RBFOX1: variants seen among roughly 807,000 people sequenced by gnomAD.
RBFOX1 encodes RNA binding fox-1 homolog 1, also known as RNA binding protein fox-1 homolog 1.
In RBFOX1, 8 loss-of-function variants were observed where a neutral mutation model predicts 57.7. That is an observed-to-expected ratio of 0.14 (90% CI 0.08 to 0.25). The LOEUF (loss-of-function observed/expected upper bound fraction) is 0.25, where lower values mean the gene tolerates loss of function less well. Among genes scored for constraint, RBFOX1 ranks in the 10% least tolerant of loss-of-function variants. The pLI, the probability that RBFOX1 is intolerant of heterozygous loss-of-function variation, is 1.00. For missense variants in RBFOX1, 611 were observed against 548.5 expected, an observed-to-expected ratio of 1.11 and a Z score of -1.14; for synonymous variants, 326 against 222.4, an observed-to-expected ratio of 1.47 and a Z score of -4.15.
intron 3 of RBFOX1, among the ~76,000 whole-genome samples, chr16:6,842,945 G>T (rs1316275487): frequency 1.3e-5 from 2 of 152,040 alleles, no homozygotes; most frequent in Non-Finnish European, 2.9e-5. Context: ...TCCTGTGTTA[G>T]TTTGCTGAGA....
intron 1 of RBFOX1, among the ~76,000 whole-genome samples, chr16:6,173,141 C>G (rs565873435): frequency 1.3e-5 from 2 of 152,302 alleles, no homozygotes; most frequent in East Asian, 1.9e-4. Flanking sequence ...TTAACTTAGT[C>G]TCATCTGCAA....
At chr16:6,284,261 C>T (rs531846743) in intron 1 of RBFOX1, among the ~76,000 whole-genome samples, 1 of 152,270 alleles carries the variant, frequency 6.6e-6, no homozygotes, top group East Asian at 1.9e-4. Flanking sequence ...CCAGTTTGCT[C>T]GATCTCTTTT....
At chr16:5,684,653 A>G (rs1452765962) in intron 3 of RBFOX1, among the ~76,000 whole-genome samples, 1 of 152,156 alleles carries the variant, frequency 6.6e-6, no homozygotes, top group Admixed American at 6.5e-5. Flanking sequence ...CAAAGTTTGG[A>G]ATGATTCAGC....
At chr16:7,406,369 G>A (rs2098340299) in intron 4 of RBFOX1, among the ~76,000 whole-genome samples, 1 of 152,192 alleles carries the variant, frequency 6.6e-6, no homozygotes, top group East Asian at 1.9e-4. Flanking sequence ...GAGGCCCAGA[G>A]CTCTTGCTTT....
At chr16:7,102,553 G>A (rs558199168) in intron 4 of RBFOX1, among the ~76,000 whole-genome samples, 8 of 152,138 alleles carry the variant, frequency 5.3e-5, no homozygotes, top group Admixed American at 1.3e-4. Context: ...TAAGGTTTGC[G>A]GCTTGGATAT....
At chr16:7,569,443 G>A (rs967095486) in intron 5 of RBFOX1, among the ~76,000 whole-genome samples, 4 of 152,022 alleles carry the variant, frequency 2.6e-5, no homozygotes, top group Non-Finnish European at 5.9e-5. Context: ...TTTTTCTCAC[G>A]GGGTGTTCAC....
At chr16:6,299,823 C>T (rs898960714) in intron 1 of RBFOX1, among the ~76,000 whole-genome samples, 3 of 152,140 alleles carry the variant, frequency 2.0e-5, no homozygotes, top group African/African-American at 7.2e-5. Context: ...GTTCAGTTTC[C>T]TCAATGGTAA....
At chr16:6,121,420 AT>A (rs1188224462) in intron 1 of RBFOX1, among the ~76,000 whole-genome samples, 2 of 152,182 alleles carry the variant, frequency 1.3e-5, no homozygotes, top group African/African-American at 4.8e-5. Context: ...AGGGAAAGTG[AT>A]GATGCTTGAA....
chr16:6,189,507 G>C (rs1466688184), intron 1 of RBFOX1, among the ~76,000 whole-genome samples: 2 of 152,166 alleles, frequency 1.3e-5, no homozygotes, highest in Non-Finnish European at 2.9e-5. Flanking sequence ...GCATTGGTTA[G>C]CTTGCTGAAG....
intron 4 of RBFOX1, among the ~76,000 whole-genome samples, chr16:7,143,571 T>C (rs890079254): frequency 2.6e-5 from 4 of 152,160 alleles, no homozygotes; most frequent in African/African-American, 9.7e-5. Context: ...ATTTATGGGG[T>C]AGCTTTCTCC....
rs2090457212 is a variant in RBFOX1, at chr16:6,987,098, C to A, written c.-15-64959C>A. 2.0e-5 allele frequency among the ~76,000 whole-genome samples: 3 copies of A among 152,128 alleles called. No individual in the cohort carries two copies. The South Asian group carries it at 6.2e-4, about 32-fold the overall frequency. On this transcript the variant is annotated intron_variant, in intron 3 of 15. Transcript: ENST00000550418. The stretch of plus-strand genomic sequence containing the variant: ...ATCCAAGCGATCTATTAGCAGCTTC[C>A]ATTTATCAGCGTCTTGTGTGGGTGT...
intron 4 of RBFOX1, among the ~76,000 whole-genome samples, chr16:5,941,701 A>C (rs11644345): frequency 0.62 from 93,361 of 151,644 alleles, 28,964 homozygotes; most frequent in Middle Eastern, 0.7. Flanking sequence ...TGAACTAGCC[A>C]GGAATTATCC....
chr16:5,855,047 C>T lies in RBFOX1; in HGVS notation c.319-12256C>T, dbSNP rs548798379. ...TCTTTGGAAAAATGTCTGTTCAAAT[C>T]CTTTGTTCGTTTTGTAATTGTATGT... On this transcript the variant is annotated intron_variant, in intron 3 of 19. Transcript: ENST00000641259. Among the ~76,000 whole-genome samples, 5 of 152,174 alleles carry T rather than the reference C, an allele frequency of 3.3e-5. No individual in the cohort carries two copies. In the East Asian group the frequency reaches 7.7e-4, roughly 24 times the overall value.
At chr16:6,785,259 T>A (rs561668353) in intron 3 of RBFOX1, among the ~76,000 whole-genome samples, 10 of 152,306 alleles carry the variant, frequency 6.6e-5, no homozygotes, top group African/African-American at 2.4e-4. Context: ...TAAGAGTTTA[T>A]GCAAAACAAG....
intron 4 of RBFOX1, among the ~76,000 whole-genome samples, chr16:7,464,886 A>G (rs112872107): frequency 1.3e-5 from 2 of 150,572 alleles, no homozygotes; most frequent in Admixed American, 6.6e-5. Context: ...TTTAGTAGAG[A>G]CGGGGTTTCA....
intron 3 of RBFOX1, among the ~76,000 whole-genome samples, chr16:6,953,041 A>C (rs566081583): frequency 7.9e-5 from 12 of 152,314 alleles, no homozygotes; most frequent in Admixed American, 1.3e-4. Context: ...TATATTAAGC[A>C]TTATTATTTC....
chr16:5,755,590 T>TTTTG lies in RBFOX1; in HGVS notation c.319-111701_319-111698dup, dbSNP rs539530081. 1.7e-3 allele frequency among the ~76,000 whole-genome samples: 264 copies of TTTTG among 152,242 alleles called. 1 individual carries two copies. The highest frequency in any genetic ancestry group is 6.2e-3 in the African/African-American group (258 of 41,538). ...ATTTGATCAACTTCCATCTAATTAC[T>TTTTG]TTTGTTTGTTTGTTTATTTTTTCTT... On this transcript the variant is annotated intron_variant, in intron 3 of 19. Transcript: ENST00000641259.
intron 1 of RBFOX1, among the ~76,000 whole-genome samples, chr16:6,234,124 G>A (rs574540520): frequency 2.0e-4 from 30 of 152,210 alleles, no homozygotes; most frequent in African/African-American, 7.0e-4. Flanking sequence ...GGAGGAGCCT[G>A]TATGAACCAG....
intron 2 of RBFOX1, among the ~76,000 whole-genome samples, chr16:5,575,150 C>A (rs1270453926): frequency 6.6e-6 from 1 of 152,206 alleles, no homozygotes; most frequent in Non-Finnish European, 1.5e-5. Flanking sequence ...GATTTCATTA[C>A]AACTATGATG....
Sources: allele counts gnomAD v4.1 joint callset (sites outside exome capture counted in the v4.1 genomes callset), GRCh38; gene constraint gnomAD v4.1.1; transcripts MANE v1.5; gene names NCBI Gene and HGNC (gene_info 2026-07-23, HGNC 2026-07-21).